TMEM273: variants seen among roughly 807,000 people sequenced by gnomAD.
The protein encoded by TMEM273 is chromosome 10 open reading frame 128.
TMEM273 carries 19 observed loss-of-function variants against 17.9 expected under a neutral mutation model. The observed-to-expected ratio is 1.06, with a 90% CI of 0.74 to 1.55. TMEM273 has a LOEUF of 1.55. TMEM273 is among the 40% of genes most tolerant of loss of function. TMEM273 has a pLI of 0.00. For synonymous variants in TMEM273, 66 were observed against 62.0 expected, an observed-to-expected ratio of 1.07 and a Z score of -0.31; for missense variants, 194 against 155.6, an observed-to-expected ratio of 1.25 and a Z score of -1.31.
intron 1 of TMEM273, among the ~76,000 whole-genome samples, chr10:49,186,068 G>GGAA (rs35480919): frequency 0.013 from 850 of 67,192 alleles, 33 homozygotes; most frequent in African/African-American, 0.041. Flanking sequence ...AAGAAGAAGA[G>GGAA]GAAGAAGAAG....
At chr10:49,165,862 A>G in intron 3 of TMEM273, 66 bp from the exon 4 acceptor site, 1 of 1,595,354 alleles carries the variant, frequency 6.3e-7, no homozygotes, top group South Asian at 1.1e-5. Context: ...CATTCCCTAG[A>G]GCTTTCACCT....
At chr10:49,160,922 C>T (rs1845802444) in intron 6 of TMEM273, 1 of 151,946 alleles carries the variant, frequency 6.6e-6, no homozygotes, top group South Asian at 2.1e-4. Flanking sequence ...AGAGATTGCC[C>T]CAGGCCTGTG....
intron 1 of TMEM273, 95 bp from the exon 2 acceptor site, chr10:49,168,057 A>C: frequency 6.8e-7 from 1 of 1,478,770 alleles, no homozygotes; most frequent in Non-Finnish European, 9.4e-7. Flanking sequence ...TACCCCATGT[A>C]CCCACCAGGA....
Position 49,188,352 on chromosome 10 carries a change from T to TTGGCTCC in TMEM273, c.-23_-17dup, listed in dbSNP as rs768925960. 9 of 1,614,128 alleles carry TTGGCTCC rather than the reference T, an allele frequency of 5.6e-6. No homozygotes were observed. Among genetic ancestry groups the TTGGCTCC allele is most frequent in the East Asian group, 2.2e-5 (1 of 44,872 alleles). On this transcript the variant is annotated 5_prime_UTR_variant, in exon 1 of 7. Coordinates refer to ENST00000374153, the MANE Select transcript of TMEM273 (RefSeq NM_001288740.3). ...CCAAGTTCATGCTGGCGCTCTGCTC[T>TTGGCTCC]TGGCTCCTGGCTCCTGGCTGCTGGC...
intron 1 of TMEM273, among the ~76,000 whole-genome samples, chr10:49,177,908 C>T (rs1271777912): frequency 6.6e-6 from 1 of 152,176 alleles, no homozygotes; most frequent in African/African-American, 2.4e-5. Flanking sequence ...TGAGCTCAGG[C>T]CACACACTGC....
At position 49,163,289 on chromosome 10, in the gene TMEM273, ATG is replaced by A. The variant is rs34654322; in HGVS notation, c.349-1669_349-1668del. ...TGGGTCTGGGTGTGTGAATATGTGC[ATG>A]TGTGTGTGTGTGTGTGAGAGAGAGA... On this transcript the variant is annotated intron_variant, in intron 5 of 6. Coordinates refer to ENST00000374153, the MANE Select transcript of TMEM273 (RefSeq NM_001288740.3). Among the ~76,000 whole-genome samples the A allele has an allele frequency of 3.5e-3, 523 of 150,098 alleles. 1 individual carries two copies. Among genetic ancestry groups the A allele is most frequent in the African/African-American group, 0.01 (424 of 40,798 alleles).
intron 1 of TMEM273, among the ~76,000 whole-genome samples, chr10:49,171,419 C>T (rs2132192686): frequency 6.6e-6 from 1 of 152,368 alleles, no homozygotes; most frequent in African/African-American, 2.4e-5. Flanking sequence ...CCACAGCCTC[C>T]ACCTGTGTAG....
In TMEM273 at chr10:49,165,244, C is replaced by A. The variant is rs1265790245; in HGVS notation, c.309G>T (p.Leu103=). The A allele has an allele frequency of 6.5e-7, 1 of 1,550,302 alleles. No homozygotes were observed. The highest frequency in any genetic ancestry group is 8.7e-7 in the Non-Finnish European group (1 of 1,146,978). The change falls in exon 5 of 7, where the codon CTG becomes CTT. Residue 103 remains leucine (L), a synonymous_variant. Transcript: ENST00000374153. ...CCATGATGCAGTGGTGACACTGAAG[C>A]AGGGATTTGAAGGAAAAGAGGGTCG... ...QASTLFSFKS[L]LQCHHCIMEG... is the part of the protein sequence containing the mutation.
intron 1 of TMEM273, among the ~76,000 whole-genome samples, chr10:49,170,457 T>G (rs1012233234): frequency 6.6e-6 from 1 of 152,108 alleles, no homozygotes; most frequent in Non-Finnish European, 1.5e-5. Flanking sequence ...GCCAGTCCCT[T>G]AGGCACCATC....
At chr10:49,168,006 CT>C in intron 1 of TMEM273, 44 bp from the exon 2 acceptor site, 1 of 1,611,168 alleles carries the variant, frequency 6.2e-7, no homozygotes, top group Non-Finnish European at 8.5e-7. Context: ...ACAGAGCTGG[CT>C]GTGGTCCCAG....
chr10:49,156,841 C>A (rs940211548), intron 6 of TMEM273, among the ~76,000 whole-genome samples: 4 of 152,138 alleles, frequency 2.6e-5, no homozygotes, highest in African/African-American at 9.7e-5. Flanking sequence ...GCAGTAGAAC[C>A]AACGTTAAAG....
rs1554850042 is a variant in TMEM273, at chr10:49,186,068, G to GAAGAAGAAGAAGAA, written c.43+2225_43+2226insTTCTTCTTCTTCTT. ...AAGAAGAAGAGGAAGAAGAAGAAGAGGAAGAAGAAGAAGAAGAAGAAGAAG... is the reference window on the plus strand; with the variant it reads ...AAGAAGAAGAGGAAGAAGAAGAAGAGAAGAAGAAGAAGAAGAAGAAGAAGAAGAAGAAGAAGAAG... On this transcript the variant is annotated intron_variant, in intron 1 of 6. Transcript: ENST00000374153. Among the ~76,000 whole-genome samples, 171 of 67,164 alleles carry GAAGAAGAAGAAGAA rather than the reference G, an allele frequency of 2.5e-3. 2 individuals are homozygous for GAAGAAGAAGAAGAA. Among genetic ancestry groups the GAAGAAGAAGAAGAA allele is most frequent in the Middle Eastern group, 8.2e-3 (1 of 122 alleles). The allele number at this position is 67,164 out of a possible 152,430, so 44.1% of individuals were successfully genotyped here.
rs997545834 is a variant in TMEM273, at chr10:49,161,599, C to T, written c.372G>A (p.Lys124=). 1.6e-5 allele frequency: 26 copies of T among 1,614,198 alleles called. No homozygotes were observed. Among genetic ancestry groups the T allele is most frequent in the Non-Finnish European group, 2.0e-5 (24 of 1,180,024 alleles). The change falls in exon 6 of 7, where the codon AAG becomes AAA. Residue 124 remains lysine (K), a splice_region_variant and synonymous_variant. Transcript: ENST00000374153. ...ACAAGTGATCACTCTTACAACTCACCTTTTGGAGAAATTGTGGTTTCGCCT... is the reference window on the plus strand; with the variant it reads ...ACAAGTGATCACTCTTACAACTCACTTTTTGGAGAAATTGTGGTTTCGCCT... ...LFKAKPQFLQ[K]RCTGD is the part of the protein sequence containing the mutation.
At chr10:49,174,436 C>T (rs1189584748) in intron 1 of TMEM273, among the ~76,000 whole-genome samples, 5 of 152,240 alleles carry the variant, frequency 3.3e-5, no homozygotes, top group Non-Finnish European at 7.3e-5. Context: ...CAGCATCGCT[C>T]GGCTCTTGCC....
At chr10:49,182,737 T>G (rs904714157) in intron 1 of TMEM273, among the ~76,000 whole-genome samples, 1 of 152,234 alleles carries the variant, frequency 6.6e-6, no homozygotes. Context: ...AAAATACTGA[T>G]TGGTTGATAT....
intron 6 of TMEM273, chr10:49,160,463 A>G (rs1252158590): frequency 2.0e-5 from 3 of 152,242 alleles, no homozygotes; most frequent in African/African-American, 7.2e-5. Flanking sequence ...TAACAATGCC[A>G]TAAGGATAAA....
chr10:49,186,728 T>C (rs74650150), intron 1 of TMEM273, among the ~76,000 whole-genome samples: 1 of 152,350 alleles, frequency 6.6e-6, no homozygotes, highest in East Asian at 1.9e-4. Flanking sequence ...AGTCTCGTAC[T>C]GGATACCCAC....
In TMEM273 at chr10:49,161,620, CG is replaced by C; in HGVS notation, c.350del (p.Ala117GlyfsTer16). Reference sequence around the variant, plus strand: ...TCACCTTTTGGAGAAATTGTGGTTTCGCCTGCAAAACAAGATAAAAGGGTGT... The same window carrying C: ...TCACCTTTTGGAGAAATTGTGGTTTCCCTGCAAAACAAGATAAAAGGGTGT... ...HHCIMEGLFK[A>X]KPQFLQKRCT... On this transcript the variant is annotated frameshift_variant and splice_region_variant, in exon 6 of 7. Transcript: ENST00000374153. LOFTEE classifies it high-confidence loss of function. The C allele has an allele frequency of 6.2e-7, 1 of 1,614,214 alleles. No individual in the cohort carries two copies. Among genetic ancestry groups the C allele is most frequent in the Non-Finnish European group, 8.5e-7 (1 of 1,180,026 alleles).
chr10:49,156,665 A>G lies in TMEM273; in HGVS notation c.373-756T>C, dbSNP rs532794649. ...TTCAGTCACAGTCTCCTGACAGCTA[A>G]GATCTCCTCATGAGAGATGGGGCAG... On this transcript the variant is annotated intron_variant, in intron 6 of 6. Coordinates refer to ENST00000374153, the MANE Select transcript of TMEM273 (RefSeq NM_001288740.3). Among the ~76,000 whole-genome samples the G allele has an allele frequency of 2.6e-5, 4 of 152,346 alleles. No individual in the cohort carries two copies. In the South Asian group the frequency reaches 6.2e-4, roughly 24 times the overall value.
Sources: gnomAD v4.1 joint callset for allele counts (sites outside exome capture counted in the v4.1 genomes callset) on GRCh38, gnomAD v4.1.1 for gene constraint, MANE v1.5 for transcripts, NCBI Gene and HGNC (gene_info 2026-07-23, HGNC 2026-07-21) for gene names.